MED26: variants seen among roughly 807,000 people sequenced by gnomAD.
MED26 encodes the protein mediator of RNA polymerase II transcription subunit 26.
Under a neutral mutation model 43.7 loss-of-function variants are expected in MED26, and 7 were observed. The observed-to-expected ratio is 0.16, with a 90% CI of 0.09 to 0.30. The LOEUF is 0.30. Ranked by LOEUF, MED26 falls within the 10% of genes least tolerant of loss-of-function variation. The probability of loss-of-function intolerance (pLI) is 1.00; values close to 1 mark genes in which losing one functional copy is unlikely to be tolerated. For missense variants in MED26, 784 were observed against 840.6 expected (o/e 0.93, Z 0.83); for synonymous variants, 375 against 371.1 (o/e 1.01, Z -0.12).
chr19:16,602,069 A>G (rs1325141996), intron 1 of MED26, among the ~76,000 whole-genome samples: 1 of 152,180 alleles, frequency 6.6e-6, no homozygotes, highest in Non-Finnish European at 1.5e-5. Context: ...GGATACCTGT[A>G]GCCAGACACC....
chr19:16,610,745 A>C (rs897918445), intron 1 of MED26: 2 of 152,212 alleles, frequency 1.3e-5, no homozygotes, highest in Non-Finnish European at 2.9e-5. Context: ...TCTCGCCTCC[A>C]AATTACCCAT....
chr19:16,610,740 C>T (rs1288967627), intron 1 of MED26: 1 of 152,208 alleles, frequency 6.6e-6, no homozygotes, highest in Non-Finnish European at 1.5e-5. Flanking sequence ...CCTAGTCTCG[C>T]CTCCAAATTA....
intron 1 of MED26, among the ~76,000 whole-genome samples, chr19:16,607,376 A>G (rs543745221): frequency 0.029 from 3,320 of 113,792 alleles, 51 homozygotes; most frequent in African/African-American, 0.065. Context: ...TTTTGTGGGG[A>G]AAAAAAAAAA....
At chr19:16,595,683 C>T (rs1037928746) in intron 1 of MED26, among the ~76,000 whole-genome samples, 2 of 152,202 alleles carry the variant, frequency 1.3e-5, no homozygotes, top group African/African-American at 2.4e-5. Flanking sequence ...GTGACTTTCC[C>T]GTCCTAGTCC....
At chr19:16,581,964 G>T (rs1300076851) in intron 1 of MED26, among the ~76,000 whole-genome samples, 1 of 152,258 alleles carries the variant, frequency 6.6e-6, no homozygotes, top group Non-Finnish European at 1.5e-5. Flanking sequence ...GAAACCCACA[G>T]TCCTACGCCG....
rs1021266250 is a variant in MED26, at chr19:16,575,880, G to A, written c.*147C>T. ...TGAGGGAAGAGCGCAGAGAGACCGC[G>A]TGACTCCCGCCCCCTCCCTCCCGCC... On this transcript the variant is annotated 3_prime_UTR_variant, in exon 3 of 3. Transcript: ENST00000263390. The A allele has an allele frequency of 1.1e-5, 7 of 653,432 alleles. No homozygotes were observed. Among genetic ancestry groups the A allele is most frequent in the South Asian group, 7.7e-5 (4 of 52,270 alleles). 40.5% of individuals were successfully genotyped at this position (653,432 alleles called of 1,614,324 possible).
chr19:16,597,959 A>C (rs1193328540), intron 1 of MED26, among the ~76,000 whole-genome samples: 1 of 151,994 alleles, frequency 6.6e-6, no homozygotes, highest in Non-Finnish European at 1.5e-5. Flanking sequence ...TCCTGACCTC[A>C]GATGATTCGC....
chr19:16,621,762 C>T (rs1346132568), intron 1 of MED26, among the ~76,000 whole-genome samples: 1 of 152,106 alleles, frequency 6.6e-6, no homozygotes, highest in African/African-American at 2.4e-5. Flanking sequence ...GTTAAGTCAG[C>T]TCTGACAATA....
chr19:16,605,323 A>C (rs573748873), intron 1 of MED26, among the ~76,000 whole-genome samples: 6 of 152,310 alleles, frequency 3.9e-5, no homozygotes, highest in Admixed American at 2.0e-4. Context: ...AGCTGAGAGG[A>C]AAGTCCCTAA....
At chr19:16,627,819 G>T in intron 1 of MED26, 53 bp downstream of exon 1, 2 of 1,341,110 alleles carry the variant, frequency 1.5e-6, no homozygotes, top group African/African-American at 1.5e-5. Flanking sequence ...AGGAGAGGGG[G>T]AGGGTCCCGG....
rs888244211 is a variant in MED26 at position 16,607,640 on chromosome 19, G to C, written c.72+20232C>G. On this transcript the variant is annotated intron_variant, in intron 1 of 2. Coordinates refer to ENST00000263390, the MANE Select transcript of MED26 (RefSeq NM_004831.5). ...AACCCGGGGAGGTAATACATCTGGA[G>C]CAAGAAGCAGTGCAAGCTTGTCCAA... Among the ~76,000 whole-genome samples, 6 of 152,236 alleles carry C rather than the reference G, an allele frequency of 3.9e-5. No individual in the cohort carries two copies. The South Asian group carries it at 1.2e-3, about 32-fold the overall frequency.
Position 16,577,029 on chromosome 19 carries a change from T to C in MED26, c.801A>G (p.Gly267=), listed in dbSNP as rs143376680. ...GAGGACTGAAAGAGCAGCGAGGGGG[T>C]CCCTTGGGATGGGGAGGCCCCGGAG... is the stretch of plus-strand genomic sequence containing the variant. ...DETPGPPHPK[G]PPRCSFSPRN... is the part of the protein sequence containing the mutation. Residue 267 remains glycine (G), a synonymous_variant, in exon 3 of 3, where the codon GGA becomes GGG. Coordinates refer to ENST00000263390, the MANE Select transcript of MED26 (RefSeq NM_004831.5). This position sits in a 1 kb window ranked among gnomAD's most constrained non-coding sequence, Gnocchi z 8.1. The C allele has an allele frequency of 3.9e-5, 63 of 1,608,242 alleles. No homozygotes were observed. In the African/African-American group the frequency reaches 7.8e-4, roughly 20 times the overall value.
At chr19:16,580,520 C>T (rs931654459) in intron 1 of MED26, among the ~76,000 whole-genome samples, 4 of 152,136 alleles carry the variant, frequency 2.6e-5, no homozygotes, top group Non-Finnish European at 4.4e-5. Context: ...AGGCACCCGC[C>T]ACCACGCCCA....
chr19:16,619,466 G>A (rs952886102), intron 1 of MED26, among the ~76,000 whole-genome samples: 7 of 152,214 alleles, frequency 4.6e-5, no homozygotes, highest in South Asian at 2.1e-4. Flanking sequence ...TGACTAGAAC[G>A]GGGGACATCA....
At chr19:16,621,918 G>T (rs2086253292) in intron 1 of MED26, among the ~76,000 whole-genome samples, 1 of 151,978 alleles carries the variant, frequency 6.6e-6, no homozygotes, top group Non-Finnish European at 1.5e-5. Flanking sequence ...GCTACCCCAA[G>T]GCCCTTCCCA....
intron 1 of MED26, among the ~76,000 whole-genome samples, chr19:16,609,824 C>T (rs2086191446): frequency 6.6e-6 from 1 of 151,590 alleles, no homozygotes; most frequent in Non-Finnish European, 1.5e-5. Context: ...AGTTTTATCA[C>T]CTTCTTGTGC....
In MED26 at chr19:16,575,429, C is replaced by A. The variant is rs2085988150; in HGVS notation, c.*598G>T. The A allele has an allele frequency of 6.5e-6, 1 of 153,064 alleles. No individual in the cohort carries two copies. Among genetic ancestry groups the A allele is most frequent in the Admixed American group, 6.5e-5 (1 of 15,366 alleles). 9.5% of individuals were successfully genotyped at this position (153,064 alleles called of 1,614,324 possible). On this transcript the variant is annotated 3_prime_UTR_variant, in exon 3 of 3. Coordinates refer to ENST00000263390, the MANE Select transcript of MED26 (RefSeq NM_004831.5). ...GCCCATGGAGTGTGGGTCACACTGG[C>A]TGGCCAGCTGGCCCGCCTGCCCAAT...
chr19:16,582,569 A>T (rs917771999), intron 1 of MED26, among the ~76,000 whole-genome samples: 2 of 151,992 alleles, frequency 1.3e-5, no homozygotes, highest in Non-Finnish European at 2.9e-5. Flanking sequence ...CAGGTCTCCC[A>T]CTCTCATGGA....
chr19:16,602,216 G>A (rs1568285654), intron 1 of MED26, among the ~76,000 whole-genome samples: 1 of 152,162 alleles, frequency 6.6e-6, no homozygotes, highest in Non-Finnish European at 1.5e-5. Flanking sequence ...GACCATGAGG[G>A]AAAAAATGGT....
Sources: gnomAD v4.1 joint callset for allele counts (sites outside exome capture counted in the v4.1 genomes callset) on GRCh38, gnomAD v4.1.1 for gene constraint, Gnocchi (gnomAD v3.1) non-coding constraint, MANE v1.5 for transcripts, NCBI Gene and HGNC (gene_info 2026-07-23, HGNC 2026-07-21) for gene names.